The following IGF2BP3 variants were observed in gnomAD, a reference collection of about 807,000 sequenced individuals.
The protein encoded by IGF2BP3 is insulin like growth factor 2 mRNA binding protein 3.
In IGF2BP3, 9 loss-of-function variants were observed where a neutral mutation model predicts 73.8. The observed-to-expected ratio is 0.12, with a 90% CI of 0.07 to 0.21. IGF2BP3 has a LOEUF of 0.21. Ranked by LOEUF, IGF2BP3 falls within the 10% of genes least tolerant of loss-of-function variation. The pLI is 1.00. For synonymous variants in IGF2BP3, 258 were observed against 256.7 expected, an observed-to-expected ratio of 1.01 and a Z score of -0.05; for missense variants, 542 against 714.0, an observed-to-expected ratio of 0.76 and a Z score of 2.75.
intron 9 of IGF2BP3, 21 bp from the exon 10 acceptor site, chr7:23,342,210 C>G (rs769380240): frequency 6.2e-7 from 1 of 1,612,296 alleles, no homozygotes; most frequent in East Asian, 2.2e-5. Context: ...AAAAAGGCCC[C>G]TTAATTTGAC....
intron 12 of IGF2BP3, among the ~76,000 whole-genome samples, chr7:23,316,181 C>G (rs974642337): frequency 2.0e-5 from 3 of 152,164 alleles, no homozygotes; most frequent in Non-Finnish European, 4.4e-5. Context: ...CTTTCTTCAC[C>G]TAACCACCCA....
intron 2 of IGF2BP3, chr7:23,450,726 CCCGCACCT>C (rs1343612512): frequency 2.6e-5 from 4 of 152,188 alleles, no homozygotes; most frequent in Non-Finnish European, 5.9e-5. Context: ...AGCCCCCACC[CCCGCACCT>C]CCGCAAAAAA....
At chr7:23,367,289 A>C (rs1785404716) in intron 3 of IGF2BP3, among the ~76,000 whole-genome samples, 1 of 152,052 alleles carries the variant, frequency 6.6e-6, no homozygotes, top group African/African-American at 2.4e-5. Flanking sequence ...CATTTTGCTT[A>C]ATTCTGCATT....
intron 5 of IGF2BP3, 22 bp downstream of exon 5, chr7:23,361,512 T>G (rs777558611): frequency 3.1e-6 from 5 of 1,596,208 alleles, no homozygotes; most frequent in Non-Finnish European, 3.4e-6. Flanking sequence ...TATATATAGA[T>G]TAAAAGCTTC....
At chr7:23,409,079 A>T (rs1454598992) in intron 3 of IGF2BP3, among the ~76,000 whole-genome samples, 4 of 152,162 alleles carry the variant, frequency 2.6e-5, no homozygotes, top group Non-Finnish European at 5.9e-5. Flanking sequence ...TGCAGTTCAC[A>T]ATAGGGTATG....
intron 5 of IGF2BP3, among the ~76,000 whole-genome samples, chr7:23,354,740 C>A (rs532957211): frequency 6.6e-6 from 1 of 152,170 alleles, no homozygotes; most frequent in African/African-American, 2.4e-5. Context: ...TCAGGTGGCC[C>A]GGGGCTCTAG....
At chr7:23,427,122 G>C (rs1198358803) in intron 2 of IGF2BP3, among the ~76,000 whole-genome samples, 1 of 152,090 alleles carries the variant, frequency 6.6e-6, no homozygotes, top group Admixed American at 6.6e-5. Context: ...CCTTACACAA[G>C]GCTGCTTCTT....
At chr7:23,409,980 C>T (rs889289993) in intron 3 of IGF2BP3, among the ~76,000 whole-genome samples, 1 of 152,044 alleles carries the variant, frequency 6.6e-6, no homozygotes, top group African/African-American at 2.4e-5. Flanking sequence ...ACTAGCCTGG[C>T]CAACATGGTG....
chr7:23,448,165 C>T (rs1788109326), intron 2 of IGF2BP3, among the ~76,000 whole-genome samples: 1 of 152,128 alleles, frequency 6.6e-6, no homozygotes, highest in Non-Finnish European at 1.5e-5. Flanking sequence ...AAAATGTAAA[C>T]TGTCAGAAGA....
chr7:23,372,166 C>T (rs1269850665), intron 3 of IGF2BP3, among the ~76,000 whole-genome samples: 9 of 151,962 alleles, frequency 5.9e-5, no homozygotes, highest in African/African-American at 2.2e-4. Context: ...CTCCGCCACC[C>T]GGGGTTCAAG....
chr7:23,383,445 A>G (rs1056692981), intron 3 of IGF2BP3, among the ~76,000 whole-genome samples: 3 of 152,198 alleles, frequency 2.0e-5, no homozygotes, highest in Non-Finnish European at 4.4e-5. Context: ...ACCACTTTAC[A>G]CCCAGTAGGC....
At chr7:23,459,857 T>TCTACACTC (rs369727332) in intron 2 of IGF2BP3, among the ~76,000 whole-genome samples, 64 of 151,242 alleles carry the variant, frequency 4.2e-4, no homozygotes, top group African/African-American at 1.6e-3. Flanking sequence ...CTGGACTTGG[T>TCTACACTC]CTACACTCTT....
chr7:23,361,080 C>T (rs867749954), intron 5 of IGF2BP3, among the ~76,000 whole-genome samples: 12 of 152,118 alleles, frequency 7.9e-5, no homozygotes, highest in Non-Finnish European at 1.6e-4. Flanking sequence ...AATGTCTGCA[C>T]GCTCCTAAAT....
chr7:23,455,609 TAA>T (rs1429682889), intron 2 of IGF2BP3, among the ~76,000 whole-genome samples: 1 of 152,132 alleles, frequency 6.6e-6, no homozygotes, highest in African/African-American at 2.4e-5. Context: ...TGTTGAAAAA[TAA>T]AAAGACTGTC....
In IGF2BP3 at chr7:23,331,151, CCTTT is replaced by C. The variant is rs541758436; in HGVS notation, c.1203+10909_1203+10912del. On this transcript the variant is annotated intron_variant, in intron 10 of 14. Coordinates refer to ENST00000258729, the MANE Select transcript of IGF2BP3 (RefSeq NM_006547.3). ...ATGATTTATACTAAGATGATTTCTT[CCTTT>C]CTTTAATAAATTTATTGACCATAAA... is the stretch of plus-strand genomic sequence containing the variant. 7.4e-4 allele frequency among the ~76,000 whole-genome samples: 112 copies of C among 152,274 alleles called. 1 individual carries two copies. The highest frequency in any genetic ancestry group is 2.6e-3 in the African/African-American group (106 of 41,566).
Position 23,347,716 on chromosome 7 carries a change from T to C in IGF2BP3, c.702A>G (p.Lys234=). 2 of 1,614,108 alleles carry C rather than the reference T, an allele frequency of 1.2e-6. No individual in the cohort carries two copies. The highest frequency in any genetic ancestry group is 2.2e-5 in the South Asian group (2 of 91,078). The part of the protein sequence containing the change: ...QTQSKIDVHR[K]ENAGAAEKSI... ...ACTTCTCAGCAGCCCCCGCATTTTCTTTACGGTGGACATCGATTCTGATAG... is the reference window on the plus strand; with the variant it reads ...ACTTCTCAGCAGCCCCCGCATTTTCCTTACGGTGGACATCGATTCTGATAG... The change falls in exon 7 of 15, where the codon AAA becomes AAG. Residue 234 remains lysine (K), a synonymous_variant. Coordinates refer to ENST00000258729, the MANE Select transcript of IGF2BP3 (RefSeq NM_006547.3).
chr7:23,318,580 T>C (rs1784053377), intron 11 of IGF2BP3, among the ~76,000 whole-genome samples: 1 of 152,110 alleles, frequency 6.6e-6, no homozygotes, highest in South Asian at 2.1e-4. Flanking sequence ...GAACACACAG[T>C]TATCTATTAC....
At chr7:23,363,945 A>G (rs1297085636) in intron 3 of IGF2BP3, among the ~76,000 whole-genome samples, 1 of 152,260 alleles carries the variant, frequency 6.6e-6, no homozygotes, top group East Asian at 1.9e-4. Flanking sequence ...TCCTTAAATT[A>G]AAAACAAGGG....
intron 2 of IGF2BP3, among the ~76,000 whole-genome samples, chr7:23,465,527 C>CCA (rs1049187893): frequency 2.0e-5 from 3 of 152,080 alleles, no homozygotes; most frequent in Non-Finnish European, 2.9e-5. Flanking sequence ...AAAGGGTCCC[C>CCA]CCCCAAGCTC....
Sources: allele counts gnomAD v4.1 joint callset (sites outside exome capture counted in the v4.1 genomes callset), GRCh38; gene constraint gnomAD v4.1.1; transcripts MANE v1.5; gene names NCBI Gene and HGNC (gene_info 2026-07-23, HGNC 2026-07-21).